BLNK: variants seen among roughly 807,000 people sequenced by gnomAD.
The protein encoded by BLNK is B cell linker.
In BLNK, 29 loss-of-function variants were observed where a neutral mutation model predicts 73.5. The observed-to-expected ratio is 0.39, with a 90% confidence interval of 0.29 to 0.54. The LOEUF (loss-of-function observed/expected upper bound fraction) is 0.54, where lower values mean the gene tolerates loss of function less well. Ranked by LOEUF, BLNK falls within the 20% of genes least tolerant of loss-of-function variation. The pLI is 0.61. For missense variants in BLNK, 460 were observed against 562.8 expected (o/e 0.82, Z 1.85); for synonymous variants, 176 against 200.8 (o/e 0.88, Z 1.04).
At chr10:96,269,742 C>A (rs1469692053) in intron 1 of BLNK, among the ~76,000 whole-genome samples, 1 of 152,140 alleles carries the variant, frequency 6.6e-6, no homozygotes, top group African/African-American at 2.4e-5. Context: ...CAACCTGGAC[C>A]CACCTTATTT....
chr10:96,250,356 A>G (rs1417878457), intron 1 of BLNK, among the ~76,000 whole-genome samples: 2 of 151,968 alleles, frequency 1.3e-5, no homozygotes, highest in Non-Finnish European at 2.9e-5. Flanking sequence ...AAAGAAGAAA[A>G]TGAAAATAAG....
intron 1 of BLNK, among the ~76,000 whole-genome samples, chr10:96,266,516 C>T (rs1205474146): frequency 2.0e-5 from 3 of 152,200 alleles, no homozygotes; most frequent in African/African-American, 7.2e-5. Flanking sequence ...GAAGTCCACT[C>T]GCACTAAGCC....
At chr10:96,204,721 C>A in intron 11 of BLNK, 105 bp from the exon 12 acceptor site, 1 of 983,420 alleles carries the variant, frequency 1.0e-6, no homozygotes, top group Non-Finnish European at 1.6e-6. Flanking sequence ...CAGAAGTCTT[C>A]CCGGGAACAT....
At chr10:96,212,561 A>G (rs2083972779) in intron 8 of BLNK, among the ~76,000 whole-genome samples, 1 of 152,196 alleles carries the variant, frequency 6.6e-6, no homozygotes, top group Non-Finnish European at 1.5e-5. Context: ...AGTCGGCTAA[A>G]TCCATTCTAC....
chr10:96,190,841 T>A lies in BLNK; in HGVS notation c.*1132A>T, dbSNP rs1015679393. Reference sequence around the variant, plus strand: ...TCCACGATGGTATCTCTTTTATTCCTTGGTGTTCACCAATGTCTGCTTTTC... The same window carrying A: ...TCCACGATGGTATCTCTTTTATTCCATGGTGTTCACCAATGTCTGCTTTTC... On this transcript the variant is annotated 3_prime_UTR_variant, in exon 17 of 17. Coordinates refer to ENST00000224337, the MANE Select transcript of BLNK (RefSeq NM_013314.4). Among the ~76,000 whole-genome samples, 2 of 152,260 alleles carry A rather than the reference T, an allele frequency of 1.3e-5. No homozygotes were observed. The highest frequency in any genetic ancestry group is 2.9e-5 in the Non-Finnish European group (2 of 68,044).
chr10:96,218,499 C>G (rs1353828362), intron 6 of BLNK, among the ~76,000 whole-genome samples: 1 of 152,068 alleles, frequency 6.6e-6, no homozygotes, highest in Non-Finnish European at 1.5e-5. Context: ...CAAAACCAGC[C>G]TGGGCAACAT....
chr10:96,257,006 A>G (rs1010713381), intron 1 of BLNK, among the ~76,000 whole-genome samples: 1 of 151,836 alleles, frequency 6.6e-6, no homozygotes, highest in African/African-American at 2.4e-5. Flanking sequence ...TTGACTCTTC[A>G]TCTCACATCT....
At chr10:96,226,356 A>T (rs1319372490) in intron 5 of BLNK, among the ~76,000 whole-genome samples, 5 of 152,200 alleles carry the variant, frequency 3.3e-5, no homozygotes, top group Non-Finnish European at 7.3e-5. Context: ...CCTTCACTTT[A>T]CTTTCATTCA....
At position 96,207,394 on chromosome 10, in the gene BLNK, C is replaced by T. The variant is rs183230329; in HGVS notation, c.775-341G>A. Among the ~76,000 whole-genome samples, 18 of 152,336 alleles carry T rather than the reference C, an allele frequency of 1.2e-4. No individual in the cohort carries two copies. The East Asian group carries it at 2.9e-3, about 24-fold the overall frequency. ...CATCTGCTTTGGTCTCATGACCCCC[C>T]CCTTCTGTGTGTTTGCTAAATGATT... On this transcript the variant is annotated intron_variant, in intron 10 of 16. Coordinates refer to ENST00000224337, the MANE Select transcript of BLNK (RefSeq NM_013314.4).
rs115568087 is a variant in BLNK, at chr10:96,213,360, G to A, written c.676+1961C>T. On this transcript the variant is annotated intron_variant, in intron 8 of 16. Transcript: ENST00000224337. ...AAGGAGCTTGCAATGTACTTAGGAA[G>A]CGATTAGACTGAGACACAAAGTAAT... is the stretch of plus-strand genomic sequence containing the variant. 1.8e-3 allele frequency among the ~76,000 whole-genome samples: 273 copies of A among 149,866 alleles called. 1 individual carries two copies. Among genetic ancestry groups the A allele is most frequent in the African/African-American group, 6.6e-3 (259 of 39,530 alleles).
chr10:96,235,825 G>C (rs1329784337), intron 3 of BLNK, among the ~76,000 whole-genome samples: 2 of 152,164 alleles, frequency 1.3e-5, no homozygotes, highest in East Asian at 3.9e-4. Context: ...CTTAGAGGCA[G>C]ATGTGTGCAG....
intron 5 of BLNK, among the ~76,000 whole-genome samples, chr10:96,224,848 C>T (rs2084282144): frequency 6.6e-6 from 1 of 152,188 alleles, no homozygotes; most frequent in South Asian, 2.1e-4. Context: ...CAGGCACCCA[C>T]CACCATGCCT....
At chr10:96,199,540 G>T (rs1554895547) in intron 15 of BLNK, 2 of 459,724 alleles carry the variant, frequency 4.4e-6, no homozygotes, top group Admixed American at 2.3e-5. Context: ...GGTCCTTGAG[G>T]AGATGAAAGG....
chr10:96,261,724 T>TA, intron 1 of BLNK, among the ~76,000 whole-genome samples: 1 of 152,228 alleles, frequency 6.6e-6, no homozygotes, highest in Non-Finnish European at 1.5e-5. Context: ...TATATTACAT[T>TA]TGCCATTTTC....
chr10:96,223,857 G>A lies in BLNK; in HGVS notation c.494C>T (p.Pro165Leu), dbSNP rs782213526. Residue 165 changes from proline (P) to leucine (L), a missense_variant, in exon 6 of 17, where the codon CCA (proline) becomes CTA (leucine). Physicochemically the swap from Pro to Leu is moderately conservative, Grantham distance 98 (BLOSUM62 -3). This residue lies in a region of BLNK where 233 missense variants were observed against 232.1 expected (regional missense o/e 1.00). Coordinates refer to ENST00000224337, the MANE Select transcript of BLNK (RefSeq NM_013314.4). ...CTCAAGGAGGCCTTTGGGTTTGGGTGGGACTTGAGGTTTCTGCAAAGCAGT... is the reference window on the plus strand; with the variant it reads ...CTCAAGGAGGCCTTTGGGTTTGGGTAGGACTTGAGGTTTCTGCAAAGCAGT... ...ALTALQKPQV[P>L]PKPKGLLEDE... The A allele has an allele frequency of 1.2e-6, 2 of 1,613,906 alleles. No homozygotes were observed. Among genetic ancestry groups the A allele is most frequent in the Admixed American group, 3.3e-5 (2 of 60,018 alleles).
At position 96,206,550 on chromosome 10, in the gene BLNK, CA is replaced by C. The variant is rs587613981; in HGVS notation, c.817+460del. Among the ~76,000 whole-genome samples the C allele has an allele frequency of 2.8e-3, 359 of 126,966 alleles. 3 individuals carry two copies. In the East Asian group the frequency reaches 0.041, roughly 15 times the overall value. The allele number at this position is 126,966 out of a possible 152,430, so 83.3% of individuals were successfully genotyped here. A position where few individuals can be genotyped will look rare whatever the true frequency, so the allele number is the denominator to read the frequency against. ...TGGGCTACAAAGTGAGACCCTAACT[CA>C]AAAAAAAAAAAAAAAAGGAAGAAAA... On this transcript the variant is annotated intron_variant, in intron 11 of 16. Coordinates refer to ENST00000224337, the MANE Select transcript of BLNK (RefSeq NM_013314.4).
At position 96,204,522 on chromosome 10, in the gene BLNK, G is replaced by C; in HGVS notation, c.902+10C>G. 1 of 1,613,484 alleles carries C rather than the reference G, an allele frequency of 6.2e-7. No individual in the cohort carries two copies. The highest frequency in any genetic ancestry group is 8.5e-7 in the Non-Finnish European group (1 of 1,179,470). ...AGAGGAAACTGATCTTTAAAGGAAAGGATTCTTACTTCTGGGCAGGAGGAA... is the reference window on the plus strand; with the variant it reads ...AGAGGAAACTGATCTTTAAAGGAAACGATTCTTACTTCTGGGCAGGAGGAA... On this transcript the variant is annotated intron_variant, in intron 12 of 16. Coordinates refer to ENST00000224337, the MANE Select transcript of BLNK (RefSeq NM_013314.4).
chr10:96,194,881 C>T (rs1338582758), intron 16 of BLNK, among the ~76,000 whole-genome samples: 1 of 149,302 alleles, frequency 6.7e-6, no homozygotes, highest in Non-Finnish European at 1.5e-5. Context: ...CGCCATTCTC[C>T]TGCCTCAGCC....
intron 1 of BLNK, among the ~76,000 whole-genome samples, chr10:96,269,388 G>C (rs55723025): frequency 0.1 from 15,195 of 150,726 alleles, 2,405 homozygotes; most frequent in African/African-American, 0.34. Flanking sequence ...ATGCATTTCT[G>C]TATAGTTCTA....
Sources: gnomAD v4.1 joint callset for allele counts (sites outside exome capture counted in the v4.1 genomes callset) on GRCh38, gnomAD v4.1.1 for gene constraint, gnomAD v4.1.1 regional missense constraint, MANE v1.5 for transcripts, NCBI Gene and HGNC (gene_info 2026-07-23, HGNC 2026-07-21) for gene names.